GASK1B: variants seen among roughly 807,000 people sequenced by gnomAD.
GASK1B encodes the protein Golgi-associated kinase 1B.
A neutral mutation model predicts 42.8 loss-of-function variants in GASK1B; 34 were observed. The ratio of observed to expected loss-of-function variants is 0.79; its 90% CI spans 0.60 to 1.06. GASK1B has a LOEUF of 1.06. Among genes scored for constraint, GASK1B ranks in the 50% least tolerant of loss-of-function variants. GASK1B has a pLI of 0.00. For missense variants in GASK1B, 686 were observed against 661.0 expected (o/e 1.04, Z -0.42); for synonymous variants, 262 against 259.1 (o/e 1.01, Z -0.11).
intron 3 of GASK1B, among the ~76,000 whole-genome samples, chr4:158,142,026 G>A (rs1475444974): frequency 1.5e-4 from 19 of 130,204 alleles, no homozygotes; most frequent in African/African-American, 4.1e-4. Flanking sequence ...CTCACTGCAA[G>A]CTCCGCTTCC....
intron 2 of GASK1B, among the ~76,000 whole-genome samples, chr4:158,165,192 G>A (rs1419818850): frequency 6.6e-6 from 1 of 152,184 alleles, no homozygotes; most frequent in Non-Finnish European, 1.5e-5. Flanking sequence ...TCACACTACT[G>A]TGCAGACTAC....
At position 158,170,465 on chromosome 4, in the gene GASK1B, C is replaced by A; in HGVS notation, c.910+1G>T. On this transcript the variant is annotated splice_donor_variant, in intron 2 of 4. Transcript: ENST00000585682. LOFTEE classifies it high-confidence loss of function. The stretch of plus-strand genomic sequence containing the variant: ...AATAACGAAGCATGTGAATCTGTTA[C>A]CTTGGATGAACTCTGCTTTCCTGCT... 6.2e-7 allele frequency: 1 copy of A among 1,614,250 alleles called. No individual in the cohort carries two copies. Among genetic ancestry groups the A allele is most frequent in the South Asian group, 1.1e-5 (1 of 91,090 alleles).
intron 2 of GASK1B, among the ~76,000 whole-genome samples, chr4:158,158,785 T>C (rs959793822): frequency 1.3e-5 from 2 of 152,146 alleles, no homozygotes; most frequent in African/African-American, 4.8e-5. Flanking sequence ...TTATTGTGTA[T>C]GGTGAAACTT....
chr4:158,170,498 G>T lies in GASK1B; in HGVS notation c.878C>A (p.Pro293Gln), dbSNP rs1455434244. 2 of 1,614,258 alleles carry T rather than the reference G, an allele frequency of 1.2e-6. No homozygotes were observed. Among genetic ancestry groups the T allele is most frequent in the Admixed American group, 1.7e-5 (1 of 60,032 alleles). The part of the protein sequence containing the change: ...DRILGLNRTL[P>Q]SVSRKAEFIQ... Reference sequence around the variant, plus strand: ...GAACTCTGCTTTCCTGCTCACAGACGGCAGGGTCCTGTTGAGCCCCAGGAT... The same window carrying T: ...GAACTCTGCTTTCCTGCTCACAGACTGCAGGGTCCTGTTGAGCCCCAGGAT... The change falls in exon 2 of 5, where the codon CCG becomes CAG. Residue 293 changes from proline to glutamine, a missense_variant. Pro to Gln is a moderately conservative substitution (Grantham distance 76, BLOSUM62 -1). Coordinates refer to ENST00000585682, the MANE Select transcript of GASK1B (RefSeq NM_001128424.2).
chr4:158,127,677 C>T, intron 4 of GASK1B, 63 bp from the exon 5 acceptor site: 1 of 1,391,144 alleles, frequency 7.2e-7, no homozygotes, highest in Non-Finnish European at 9.8e-7. Context: ...CCTTACCCAA[C>T]TGTCCTGCCT....
chr4:158,153,586 C>G (rs548286873), intron 3 of GASK1B, among the ~76,000 whole-genome samples: 2 of 152,274 alleles, frequency 1.3e-5, no homozygotes, highest in South Asian at 4.1e-4. Flanking sequence ...GGAGCCATCA[C>G]ATTACCTGAC....
chr4:158,137,319 A>G (rs1306988922), intron 3 of GASK1B, among the ~76,000 whole-genome samples: 1 of 146,770 alleles, frequency 6.8e-6, no homozygotes, highest in East Asian at 1.9e-4. Context: ...GATTTCTTTC[A>G]ATCCAAGTTA....
At chr4:158,164,876 G>A (rs1308169201) in intron 2 of GASK1B, among the ~76,000 whole-genome samples, 1 of 152,198 alleles carries the variant, frequency 6.6e-6, no homozygotes, top group African/African-American at 2.4e-5. Context: ...TGAAAAGAGA[G>A]TGAAAAACAT....
chr4:158,149,248 C>T (rs1365589024), intron 3 of GASK1B, among the ~76,000 whole-genome samples: 1 of 152,168 alleles, frequency 6.6e-6, no homozygotes, highest in African/African-American at 2.4e-5. Flanking sequence ...TCATTCGTTT[C>T]ATGCACTATA....
intron 3 of GASK1B, among the ~76,000 whole-genome samples, chr4:158,141,330 G>T (rs187979617): frequency 6.6e-6 from 1 of 151,792 alleles, no homozygotes; most frequent in Admixed American, 6.5e-5. Flanking sequence ...CATAGCTTAT[G>T]AGATACTGGG....
intron 4 of GASK1B, 67 bp from the exon 5 acceptor site, chr4:158,127,681 C>A: frequency 7.2e-7 from 1 of 1,379,676 alleles, no homozygotes; most frequent in Non-Finnish European, 9.9e-7. Flanking sequence ...ACCCAACTGT[C>A]CTGCCTTTCA....
chr4:158,133,780 T>C (rs796587512), intron 3 of GASK1B, among the ~76,000 whole-genome samples: 2 of 152,348 alleles, frequency 1.3e-5, no homozygotes, highest in South Asian at 2.1e-4. Flanking sequence ...TGTTGTGCCA[T>C]TCAGATCTAA....
At chr4:158,153,726 G>C (rs1413474543) in intron 3 of GASK1B, among the ~76,000 whole-genome samples, 1 of 152,048 alleles carries the variant, frequency 6.6e-6, no homozygotes, top group Admixed American at 6.6e-5. Flanking sequence ...ACTGATCTTC[G>C]ACAAAGCAAA....
At chr4:158,145,115 C>A (rs1232523239) in intron 3 of GASK1B, among the ~76,000 whole-genome samples, 1 of 152,140 alleles carries the variant, frequency 6.6e-6, no homozygotes, top group East Asian at 1.9e-4. Context: ...AATGTTCCTG[C>A]AGAAACAAAG....
In GASK1B at chr4:158,124,932, C is replaced by T. The variant is rs954244844; in HGVS notation, c.*2475G>A. On this transcript the variant is annotated 3_prime_UTR_variant, in exon 5 of 5. Transcript: ENST00000585682. ...TTATTAGCTTAAAGAAAGTAAGTCACACAAGAATAAGCTTTTGCATGTCTG... is the reference window on the plus strand; with the variant it reads ...TTATTAGCTTAAAGAAAGTAAGTCATACAAGAATAAGCTTTTGCATGTCTG... The T allele has an allele frequency of 2.0e-5, 3 of 152,016 alleles. No homozygotes were observed. Among genetic ancestry groups the T allele is most frequent in the Non-Finnish European group, 4.4e-5 (3 of 68,002 alleles). 9.4% of individuals were successfully genotyped at this position (152,016 alleles called of 1,614,324 possible).
chr4:158,152,192 G>A (rs1731583345), intron 3 of GASK1B, among the ~76,000 whole-genome samples: 1 of 152,106 alleles, frequency 6.6e-6, no homozygotes, highest in Admixed American at 6.5e-5. Context: ...TTTGAGATTT[G>A]GGGACTTGGA....
rs2110917481 is a variant in GASK1B, at chr4:158,127,346, T to C, written c.*61A>G. 1.1e-5 allele frequency: 16 copies of C among 1,463,626 alleles called. No homozygotes were observed. Among genetic ancestry groups the C allele is most frequent in the Non-Finnish European group, 1.5e-5 (16 of 1,061,568 alleles). The allele number at this position is 1,463,626 out of a possible 1,614,324, so 90.7% of individuals were successfully genotyped here. On this transcript the variant is annotated 3_prime_UTR_variant, in exon 5 of 5. Transcript: ENST00000585682. ...ACGGGCTTGAGGTTGATGTGCTTGA[T>C]TTAAAAACAAAACCAAAAATGCATA...
chr4:158,170,975 G>A lies in GASK1B; in HGVS notation c.401C>T (p.Ala134Val). Residue 134 changes from alanine to valine, a missense_variant, in exon 2 of 5, where the codon GCA becomes GTA. Transcript: ENST00000585682. ...TVKPKRRKKH[A>V]VASAAPGQEA... is the part of the protein sequence containing the mutation. ...CTGCCCTGGGGCAGCCGATGCCACT[G>A]CATGCTTTTTCCTGCGCTTGGGCTT... The A allele has an allele frequency of 1.2e-6, 2 of 1,614,212 alleles. No individual in the cohort carries two copies.
rs1579015062 is a variant in GASK1B at position 158,138,153 on chromosome 4, A to G, written c.1126-7141T>C. On this transcript the variant is annotated intron_variant, in intron 3 of 4. Coordinates refer to ENST00000585682, the MANE Select transcript of GASK1B (RefSeq NM_001128424.2). ...GATTTCTATAGCTGCAATGTTTAAA[A>G]TCCATATACTGCACCTCTCAATAAG... Among the ~76,000 whole-genome samples the G allele has an allele frequency of 2.0e-5, 3 of 152,348 alleles. No individual in the cohort carries two copies. The East Asian group carries it at 5.8e-4, about 29-fold the overall frequency.
Sources: allele counts gnomAD v4.1 joint callset (sites outside exome capture counted in the v4.1 genomes callset), GRCh38; gene constraint gnomAD v4.1.1; transcripts MANE v1.5; gene names NCBI Gene and HGNC (gene_info 2026-07-23, HGNC 2026-07-21).